The following MYOM1 variants were observed in gnomAD, a reference collection of about 807,000 sequenced individuals.
MYOM1 encodes myomesin 1, also known as myomesin-1.
In MYOM1, 164 loss-of-function variants were observed where a neutral mutation model predicts 205.3. The ratio of observed to expected loss-of-function variants is 0.80; its 90% CI spans 0.70 to 0.91. MYOM1 has a LOEUF of 0.91. Ranked by LOEUF, MYOM1 falls within the 40% of genes least tolerant of loss-of-function variation. The pLI is 0.00. For synonymous variants in MYOM1, 772 were observed against 789.4 expected, an observed-to-expected ratio of 0.98 and a Z score of 0.37; for missense variants, 2,011 against 2,127.3, an observed-to-expected ratio of 0.95 and a Z score of 1.08.
chr18:3,218,911 CATAG>C (rs746003607), intron 1 of MYOM1, among the ~76,000 whole-genome samples: 8 of 152,164 alleles, frequency 5.3e-5, no homozygotes, highest in Non-Finnish European at 1.2e-4. Context: ...ATTCCTCTCA[CATAG>C]ATAGTAAGTT....
At chr18:3,096,563 C>A (rs191321732) in intron 25 of MYOM1, among the ~76,000 whole-genome samples, 15 of 151,946 alleles carry the variant, frequency 9.9e-5, no homozygotes, top group African/African-American at 3.4e-4. Context: ...ACCTTAGCCT[C>A]CAGAGTAGCT....
intron 5 of MYOM1, 83 bp downstream of exon 5, chr18:3,187,397 A>T (rs2144141564): frequency 4.2e-6 from 6 of 1,441,676 alleles, no homozygotes; most frequent in South Asian, 1.3e-5. Context: ...TGACTCTTGC[A>T]TATGGTTGTT....
Position 3,102,294 on chromosome 18 carries a change from G to A in MYOM1, c.3575+180C>T, listed in dbSNP as rs1264913142. ...GCTGGGATTAGAGGTGTGAGCCACC[G>A]CGCTCGGCCTAGGATGATTATTTTT... On this transcript the variant is annotated intron_variant, in intron 23 of 37. Transcript: ENST00000356443. Among the ~76,000 whole-genome samples, 6 of 152,114 alleles carry A rather than the reference G, an allele frequency of 3.9e-5. No individual in the cohort carries two copies. The East Asian group carries it at 9.7e-4, about 24-fold the overall frequency.
chr18:3,184,096 C>T (rs895605974), intron 5 of MYOM1, among the ~76,000 whole-genome samples: 34 of 151,890 alleles, frequency 2.2e-4, no homozygotes, highest in Admixed American at 1.7e-3. Context: ...AGTAGAGACA[C>T]GTTTTCTCCA....
chr18:3,155,260 C>T (rs1567938698), intron 10 of MYOM1, among the ~76,000 whole-genome samples, 172 bp from the exon 11 acceptor site: 2 of 152,170 alleles, frequency 1.3e-5, no homozygotes, highest in Non-Finnish European at 2.9e-5. Flanking sequence ...CTCGCTCTGT[C>T]ACCCAGGCTG....
intron 22 of MYOM1, among the ~76,000 whole-genome samples, chr18:3,104,700 A>G (rs2079427363): frequency 6.6e-6 from 1 of 151,814 alleles, no homozygotes; most frequent in Non-Finnish European, 1.5e-5. Flanking sequence ...TGATGTGACA[A>G]AGTCCACACA....
intron 27 of MYOM1, among the ~76,000 whole-genome samples, chr18:3,089,999 G>A (rs903401295): frequency 6.6e-6 from 1 of 151,822 alleles, no homozygotes; most frequent in Non-Finnish European, 1.5e-5. Flanking sequence ...GTAAGTACAC[G>A]TGGCAAAACA....
rs1486761598 is a variant in MYOM1 at position 3,157,241 on chromosome 18, A to AT, written c.1502-2154dup. ...GCAGACAGCGGGCATTCAGGGAGCC[A>AT]TTGTTCAACATTTGTATAGCATTGC... On this transcript the variant is annotated intron_variant, in intron 10 of 37. Coordinates refer to ENST00000356443, the MANE Select transcript of MYOM1 (RefSeq NM_003803.4). Among the ~76,000 whole-genome samples, 16 of 152,304 alleles carry AT rather than the reference A, an allele frequency of 1.1e-4. No homozygotes were observed. In the East Asian group the frequency reaches 3.1e-3, roughly 29 times the overall value.
intron 34 of MYOM1, among the ~76,000 whole-genome samples, 155 bp downstream of exon 34, chr18:3,079,024 G>C (rs536581649): frequency 6.8e-6 from 1 of 147,492 alleles, no homozygotes; most frequent in Non-Finnish European, 1.5e-5. Flanking sequence ...TGTTGCCCAG[G>C]CTGGTCTTGA....
intron 19 of MYOM1, among the ~76,000 whole-genome samples, chr18:3,123,914 C>T (rs927151837): frequency 6.6e-6 from 1 of 151,164 alleles, no homozygotes; most frequent in African/African-American, 2.5e-5. Context: ...CTCCACCTCC[C>T]GGGTTCAAGT....
intron 12 of MYOM1, among the ~76,000 whole-genome samples, chr18:3,150,344 G>A (rs1298815082): frequency 6.6e-6 from 1 of 152,196 alleles, no homozygotes; most frequent in Non-Finnish European, 1.5e-5. Flanking sequence ...TTACAGGTGT[G>A]AGCCACCATG....
intron 4 of MYOM1, 74 bp downstream of exon 4, chr18:3,188,666 TACACACAC>T (rs144550875): frequency 4.6e-4 from 513 of 1,112,836 alleles, no homozygotes; most frequent in African/African-American, 8.8e-4. Flanking sequence ...AATCTATATC[TACACACAC>T]ACACACACAC....
intron 31 of MYOM1, 91 bp downstream of exon 31, chr18:3,084,954 T>C (rs1470382292): frequency 1.0e-6 from 1 of 991,828 alleles, no homozygotes; most frequent in Non-Finnish European, 1.5e-6. Flanking sequence ...AAAATCAGCA[T>C]GATTTCAATC....
rs550375217 is a variant in MYOM1, at chr18:3,189,206, G to A, written c.432-119C>T. The A allele has an allele frequency of 1.8e-5, 17 of 951,202 alleles. No homozygotes were observed. The South Asian group carries it at 2.0e-4, about 11-fold the overall frequency. 58.9% of individuals were successfully genotyped at this position (951,202 alleles called of 1,614,324 possible). A position where few individuals can be genotyped will look rare whatever the true frequency, so the allele number is the denominator to read the frequency against. ...TGTATCCTGCACCAAAAGAAAATCC[G>A]ACATAGAAAAAGCAGGTGAATCAGA... On this transcript the variant is annotated intron_variant, in intron 3 of 37. Transcript: ENST00000356443. The surrounding 1 kb of genome is among the most constrained non-coding windows in gnomAD (Gnocchi z 4.8).
chr18:3,210,091 T>C lies in MYOM1; in HGVS notation c.290+4843A>G, dbSNP rs151228304. The stretch of plus-strand genomic sequence containing the variant: ...ACATGAGGGACAGTCATTTTCCTCA[T>C]TTTACAGAAATAGATATGTAGAAAA... On this transcript the variant is annotated intron_variant, in intron 2 of 37. Transcript: ENST00000356443. Among the ~76,000 whole-genome samples, 1,164 of 152,306 alleles carry C rather than the reference T, an allele frequency of 7.6e-3. 14 individuals carry two copies. Among genetic ancestry groups the C allele is most frequent in the African/African-American group, 0.026 (1,094 of 41,572 alleles).
chr18:3,235,482 A>G, the MYOM1 span, among the ~76,000 whole-genome samples: 2 of 152,364 alleles, frequency 1.3e-5, no homozygotes, highest in South Asian at 4.1e-4. Flanking sequence ...CTGACCTTTG[A>G]AACATGGCTT....
chr18:3,135,758 A>G lies in MYOM1; in HGVS notation c.2026-28T>C, dbSNP rs1235428056. The G allele has an allele frequency of 6.2e-7, 1 of 1,611,772 alleles. No individual in the cohort carries two copies. Among genetic ancestry groups the G allele is most frequent in the African/African-American group, 1.3e-5 (1 of 74,986 alleles). On this transcript the variant is annotated intron_variant, in intron 14 of 37. Transcript: ENST00000356443. The surrounding 1 kb of genome is among the most constrained non-coding windows in gnomAD (Gnocchi z 4.1). ...GCAGCAAGAACAGGGAAACCCATTG[A>G]AAGCACAGCAAACACAAGCGAGAAT...
intron 13 of MYOM1, among the ~76,000 whole-genome samples, chr18:3,146,158 G>C (rs2080119392): frequency 6.6e-6 from 1 of 151,574 alleles, no homozygotes; most frequent in Non-Finnish European, 1.5e-5. Flanking sequence ...GGCCTAGATG[G>C]CTCTGCTGGT....
At chr18:3,076,360 G>A (rs1203664344) in intron 34 of MYOM1, among the ~76,000 whole-genome samples, 1 of 152,038 alleles carries the variant, frequency 6.6e-6, no homozygotes, top group Non-Finnish European at 1.5e-5. Context: ...GAGCCACTGC[G>A]CCCAGCCATA....
Sources: gnomAD v4.1 joint callset for allele counts (sites outside exome capture counted in the v4.1 genomes callset) on GRCh38, gnomAD v4.1.1 for gene constraint, Gnocchi (gnomAD v3.1) non-coding constraint, MANE v1.5 for transcripts, NCBI Gene and HGNC (gene_info 2026-07-23, HGNC 2026-07-21) for gene names.